The following HPSE2 variants were observed in gnomAD, a reference collection of about 807,000 sequenced individuals.
HPSE2 encodes the protein inactive heparanase-2.
A neutral mutation model predicts 60.5 loss-of-function variants in HPSE2; 38 were observed. The observed-to-expected ratio is 0.63, with a 90% CI of 0.48 to 0.82. HPSE2 has a LOEUF of 0.82. HPSE2 is among the 40% of genes least tolerant of loss of function. HPSE2 has a pLI of 0.00. For synonymous variants in HPSE2, 295 were observed against 293.2 expected, an observed-to-expected ratio of 1.01 and a Z score of -0.06; for missense variants, 713 against 740.4, an observed-to-expected ratio of 0.96 and a Z score of 0.43.
intron 6 of HPSE2, among the ~76,000 whole-genome samples, chr10:98,684,457 AGTT>A (rs1351355856): frequency 2.6e-5 from 4 of 152,208 alleles, no homozygotes; most frequent in Non-Finnish European, 4.4e-5. Context: ...GGTAAACAAA[AGTT>A]GTGAAAGAAA....
intron 2 of HPSE2, among the ~76,000 whole-genome samples, chr10:99,148,074 T>C (rs866825047): frequency 6.6e-6 from 1 of 152,220 alleles, no homozygotes; most frequent in Non-Finnish European, 1.5e-5. Flanking sequence ...ATGATATTGC[T>C]GCCAAAATGA....
chr10:99,107,543 GTAATTCTAAATTA>G (rs1844296834), intron 3 of HPSE2, among the ~76,000 whole-genome samples: 1 of 152,042 alleles, frequency 6.6e-6, no homozygotes, highest in South Asian at 2.1e-4. Context: ...TATTAAGATT[GTAATTCTAAATTA>G]TATTTTTATT....
In HPSE2 at chr10:98,932,801, T is replaced by C. The variant is rs928632280; in HGVS notation, c.611-188745A>G. ...AGTATTCTCTGATGGTTGTTTGTAT[T>C]TCTCTAGGGTCAGTGATGGTATCCC... On this transcript the variant is annotated intron_variant, in intron 3 of 11. Coordinates refer to ENST00000370552, the MANE Select transcript of HPSE2 (RefSeq NM_021828.5). Among the ~76,000 whole-genome samples, 2 of 143,716 alleles carry C rather than the reference T, an allele frequency of 1.4e-5. 1 individual carries two copies. Among genetic ancestry groups the C allele is most frequent in the Non-Finnish European group, 3.0e-5 (2 of 67,128 alleles). The allele number at this position is 143,716 out of a possible 152,430, so 94.3% of individuals were successfully genotyped here.
chr10:99,048,408 A>G (rs1181400243), intron 3 of HPSE2: 1 of 273,710 alleles, frequency 3.7e-6, no homozygotes, highest in Non-Finnish European at 7.0e-6. Context: ...CCATTCAAAA[A>G]GGGGCAAAGG....
intron 3 of HPSE2, among the ~76,000 whole-genome samples, chr10:98,859,910 T>TGA (rs149306236): frequency 1.3e-5 from 2 of 152,098 alleles, no homozygotes; most frequent in Admixed American, 6.5e-5. Flanking sequence ...TAAGATATTT[T>TGA]GAGAGAGAGA....
At chr10:99,065,246 T>G (rs1334515039) in intron 3 of HPSE2, among the ~76,000 whole-genome samples, 1 of 152,156 alleles carries the variant, frequency 6.6e-6, no homozygotes, top group East Asian at 1.9e-4. Context: ...TGTGTTAAGC[T>G]CAGAGGCAAA....
At chr10:99,226,477 T>C (rs1180082132) in intron 2 of HPSE2, among the ~76,000 whole-genome samples, 3 of 152,024 alleles carry the variant, frequency 2.0e-5, no homozygotes, top group Non-Finnish European at 4.4e-5. Flanking sequence ...TGTTTTCTCA[T>C]GTTTACTGAG....
intron 10 of HPSE2, among the ~76,000 whole-genome samples, chr10:98,484,565 A>G (rs1359529710): frequency 6.6e-6 from 1 of 152,206 alleles, no homozygotes; most frequent in Non-Finnish European, 1.5e-5. Context: ...GTTGATTTAT[A>G]AAAACTATTT....
intron 3 of HPSE2, among the ~76,000 whole-genome samples, chr10:99,018,697 G>A (rs546615700): frequency 6.6e-6 from 1 of 152,218 alleles, no homozygotes; most frequent in African/African-American, 2.4e-5. Flanking sequence ...ATATGACAAG[G>A]AAAATGTATG....
chr10:98,534,338 T>TA (rs1438266465), intron 9 of HPSE2, among the ~76,000 whole-genome samples: 5 of 152,242 alleles, frequency 3.3e-5, no homozygotes. Context: ...CTCATAGTCA[T>TA]AACCTGAGAT....
At chr10:99,214,664 G>A (rs991432924) in intron 2 of HPSE2, among the ~76,000 whole-genome samples, 11 of 151,948 alleles carry the variant, frequency 7.2e-5, no homozygotes, top group African/African-American at 2.7e-4. Context: ...GCAACCTACC[G>A]TATGGGGGAA....
intron 10 of HPSE2, among the ~76,000 whole-genome samples, chr10:98,486,341 TC>T (rs1941440716): frequency 6.6e-6 from 1 of 152,204 alleles, no homozygotes; most frequent in African/African-American, 2.4e-5. Context: ...GGTTATCAAG[TC>T]CAGGTGGCTT....
At chr10:98,814,661 T>G (rs117162472) in intron 3 of HPSE2, among the ~76,000 whole-genome samples, 186 of 152,300 alleles carry the variant, frequency 1.2e-3, no homozygotes, top group East Asian at 0.011. Flanking sequence ...AAACTGCAAT[T>G]TATTGCATGC....
chr10:98,854,275 A>G (rs113797344), intron 3 of HPSE2, among the ~76,000 whole-genome samples: 5 of 152,340 alleles, frequency 3.3e-5, no homozygotes, highest in African/African-American at 1.2e-4. Flanking sequence ...GTAATCAAGC[A>G]GAGAGAATTA....
intron 9 of HPSE2, among the ~76,000 whole-genome samples, chr10:98,608,262 A>C (rs1157850589): frequency 6.6e-6 from 1 of 152,182 alleles, no homozygotes; most frequent in Non-Finnish European, 1.5e-5. Flanking sequence ...GGAAGAAATG[A>C]AGACTCATGT....
chr10:98,459,454 C>A lies in HPSE2; in HGVS notation c.*120G>T. The A allele has an allele frequency of 1.8e-6, 2 of 1,094,480 alleles. No homozygotes were observed. The highest frequency in any genetic ancestry group is 2.3e-4 in the Middle Eastern group (1 of 4,322). The allele number at this position is 1,094,480 out of a possible 1,614,324, so 67.8% of individuals were successfully genotyped here. A position where few individuals can be genotyped will look rare whatever the true frequency, so the allele number is the denominator to read the frequency against. On this transcript the variant is annotated 3_prime_UTR_variant, in exon 12 of 12. Transcript: ENST00000370552. ...TTTGGAGAGCAAGTCTGTGTTGATT[C>A]CAGCAGGATGGGGCAGCAGGGGCTG...
chr10:99,305,979 G>GCGCGCGCGCACACACACACACACACACA, the HPSE2 span, among the ~76,000 whole-genome samples: 22 of 80,558 alleles, frequency 2.7e-4, no homozygotes, highest in East Asian at 7.3e-4. Context: ...GCGCGCGCGC[G>GCGCGCGCGCACACACACACACACACACA]CACACACACA....
intron 2 of HPSE2, among the ~76,000 whole-genome samples, chr10:99,224,634 A>G (rs1280823973): frequency 6.6e-6 from 1 of 152,070 alleles, no homozygotes; most frequent in Non-Finnish European, 1.5e-5. Context: ...CAAAACCAGA[A>G]AACTTTTTGA....
At chr10:99,266,523 G>A in the HPSE2 span, among the ~76,000 whole-genome samples, 67 of 152,016 alleles carry the variant, frequency 4.4e-4, no homozygotes, top group Non-Finnish European at 6.9e-4. Context: ...GCTCAGACAC[G>A]CCTAACCCTG....
Sources: gnomAD v4.1 joint callset for allele counts (sites outside exome capture counted in the v4.1 genomes callset) on GRCh38, gnomAD v4.1.1 for gene constraint, MANE v1.5 for transcripts, NCBI Gene and HGNC (gene_info 2026-07-23, HGNC 2026-07-21) for gene names.